ZNF487: variants seen among roughly 807,000 people sequenced by gnomAD.
The protein encoded by ZNF487 is KRAB domain only 1.
ZNF487 carries 4 observed loss-of-function variants against 3.0 expected under a neutral mutation model. The ratio of observed to expected loss-of-function variants is 1.35; its 90% CI spans 0.66 to 3.08. The LOEUF (loss-of-function observed/expected upper bound fraction) is 3.08, where lower values mean the gene tolerates loss of function less well. Ranked by LOEUF, ZNF487 falls within the 30% of genes most tolerant of loss-of-function variation. The pLI is 0.01. For missense variants in ZNF487, 146 were observed against 98.7 expected, an observed-to-expected ratio of 1.48 and a Z score of -2.03; for synonymous variants, 55 against 34.6, an observed-to-expected ratio of 1.59 and a Z score of -2.06.
At chr10:43,486,574 T>C (rs1588751275), downstream of ZNF487, among the ~76,000 whole-genome samples, 1 of 149,154 alleles carries the variant, frequency 6.7e-6, no homozygotes, top group Non-Finnish European at 1.5e-5. Context: ...AGCAAAGAAA[T>C]GGGCAAAATA....
chr10:43,465,052 C>CG (rs1240121141), intron 1 of ZNF487, among the ~76,000 whole-genome samples: 1 of 138,106 alleles, frequency 7.2e-6, no homozygotes, highest in South Asian at 2.2e-4. Context: ...GGGGGCTGAC[C>CG]CCCCCCACCT....
chr10:43,512,376 G>C, the ZNF487 span, among the ~76,000 whole-genome samples: 1 of 152,132 alleles, frequency 6.6e-6, no homozygotes, highest in East Asian at 1.9e-4. Flanking sequence ...ACTTCCGTTT[G>C]ATGATGGAAT....
downstream of ZNF487, among the ~76,000 whole-genome samples, chr10:43,484,175 C>T (rs1002941281): frequency 6.6e-6 from 1 of 152,030 alleles, no homozygotes; most frequent in Non-Finnish European, 1.5e-5. Flanking sequence ...GGCCTTTATT[C>T]TCACCTTAGA....
At chr10:43,516,874 A>G in the ZNF487 span, among the ~76,000 whole-genome samples, 2 of 152,198 alleles carry the variant, frequency 1.3e-5, no homozygotes, top group Non-Finnish European at 2.9e-5. Context: ...GGTATTAACC[A>G]TCACATGGCT....
chr10:43,498,742 A>T, the ZNF487 span, among the ~76,000 whole-genome samples: 2 of 151,800 alleles, frequency 1.3e-5, no homozygotes, highest in Non-Finnish European at 2.9e-5. Context: ...GGAGATTGAG[A>T]CCATCCTGGC....
At chr10:43,502,547 A>G in the ZNF487 span, among the ~76,000 whole-genome samples, 2 of 152,184 alleles carry the variant, frequency 1.3e-5, no homozygotes, top group Non-Finnish European at 2.9e-5. Flanking sequence ...CTAAATACCT[A>G]AATAACTCAT....
At chr10:43,459,363 G>A (rs1403168067) in intron 1 of ZNF487, among the ~76,000 whole-genome samples, 6 of 152,134 alleles carry the variant, frequency 3.9e-5, no homozygotes, top group South Asian at 2.1e-4. Context: ...CCAAGTAGCC[G>A]GGACTACAGG....
chr10:43,448,582 G>A (rs1232465773), intron 1 of ZNF487, among the ~76,000 whole-genome samples: 1 of 151,878 alleles, frequency 6.6e-6, no homozygotes, highest in Non-Finnish European at 1.5e-5. Flanking sequence ...TTGGGAGGCC[G>A]AGGCAAGTGG....
the ZNF487 span, among the ~76,000 whole-genome samples, chr10:43,518,608 C>T: frequency 6.6e-6 from 1 of 152,096 alleles, no homozygotes; most frequent in Non-Finnish European, 1.5e-5. Flanking sequence ...GCTTATCCAC[C>T]TCTTGTCTGC....
intron 1 of ZNF487, among the ~76,000 whole-genome samples, chr10:43,449,252 T>C (rs1839920344): frequency 6.6e-6 from 1 of 152,100 alleles, no homozygotes; most frequent in Non-Finnish European, 1.5e-5. Flanking sequence ...TGAGCCAAGA[T>C]TGTGCCACTG....
chr10:43,455,411 C>T (rs192118913), intron 1 of ZNF487, among the ~76,000 whole-genome samples: 13 of 152,380 alleles, frequency 8.5e-5, no homozygotes, highest in East Asian at 1.9e-4. Flanking sequence ...CTACCAACCA[C>T]CACATCACTC....
chr10:43,483,440 A>G (rs140342160), downstream of ZNF487, among the ~76,000 whole-genome samples: 5,165 of 151,508 alleles, frequency 0.034, 208 homozygotes, highest in African/African-American at 0.095. Context: ...GGGTTTCACC[A>G]TGTTGGTCAG....
At chr10:43,443,464 A>C (rs1589019731) in intron 1 of ZNF487, among the ~76,000 whole-genome samples, 1 of 135,462 alleles carries the variant, frequency 7.4e-6, no homozygotes, top group African/African-American at 2.8e-5. Context: ...ACCTCCCCCT[A>C]CCGGGTTCAA....
At chr10:43,451,112 A>G (rs1034242893) in intron 1 of ZNF487, among the ~76,000 whole-genome samples, 2 of 151,438 alleles carry the variant, frequency 1.3e-5, no homozygotes, top group African/African-American at 4.9e-5. Flanking sequence ...ACGCCCAGCT[A>G]ATTTTGTATT....
the ZNF487 span, among the ~76,000 whole-genome samples, chr10:43,507,198 A>G: frequency 6.6e-6 from 1 of 152,186 alleles, no homozygotes; most frequent in African/African-American, 2.4e-5. Flanking sequence ...AGTTCAGCTT[A>G]CCACGAGTCA....
intron 1 of ZNF487, among the ~76,000 whole-genome samples, chr10:43,469,606 G>T (rs1310813301): frequency 6.6e-6 from 1 of 152,016 alleles, no homozygotes; most frequent in Admixed American, 6.6e-5. Context: ...CTTCCAAAGT[G>T]CTGGGATTAC....
chr10:43,491,122 A>G, the ZNF487 span, among the ~76,000 whole-genome samples: 2 of 149,776 alleles, frequency 1.3e-5, no homozygotes, highest in African/African-American at 2.5e-5. Context: ...ATGTGCCACT[A>G]TGCCTGGCTA....
At chr10:43,463,674 G>A (rs1190628914) in intron 1 of ZNF487, among the ~76,000 whole-genome samples, 1 of 149,940 alleles carries the variant, frequency 6.7e-6, no homozygotes, top group Non-Finnish European at 1.5e-5. Flanking sequence ...GTAGGCACGA[G>A]CCACCTCACC....
chr10:43,498,097 ATATTTTTTTTTTTTTTCTT>A, the ZNF487 span, among the ~76,000 whole-genome samples: 2 of 10,048 alleles, frequency 2.0e-4, no homozygotes, highest in African/African-American at 9.4e-4. Flanking sequence ...ATATATATAT[ATATTTTTTTTTTTTTTCTT>A]TTTTTTTTTT....
Sources: allele counts gnomAD v4.1 joint callset (sites outside exome capture counted in the v4.1 genomes callset), GRCh38; gene constraint gnomAD v4.1.1; transcripts MANE v1.5; gene names NCBI Gene and HGNC (gene_info 2026-07-23, HGNC 2026-07-21).